FAM171A1: variants seen among roughly 807,000 people sequenced by gnomAD.
FAM171A1 encodes family with sequence similarity 171 member A1, also known as protein FAM171A1.
FAM171A1 carries 23 observed loss-of-function variants against 74.9 expected under a neutral mutation model. The ratio of observed to expected loss-of-function variants is 0.31; its 90% CI spans 0.22 to 0.44. The LOEUF is 0.44. Ranked by LOEUF, FAM171A1 falls within the 20% of genes least tolerant of loss-of-function variation. The pLI, the probability that FAM171A1 is intolerant of heterozygous loss-of-function variation, is 1.00. For synonymous variants in FAM171A1, 527 were observed against 505.7 expected, an observed-to-expected ratio of 1.04 and a Z score of -0.57; for missense variants, 1,162 against 1,159.2, an observed-to-expected ratio of 1.00 and a Z score of -0.03.
chr10:15,273,417 G>C (rs1023808692), intron 3 of FAM171A1, among the ~76,000 whole-genome samples: 1 of 152,082 alleles, frequency 6.6e-6, no homozygotes, highest in African/African-American at 2.4e-5. Flanking sequence ...ACCAACCAAA[G>C]AAAGTCCAGG....
intron 5 of FAM171A1, among the ~76,000 whole-genome samples, chr10:15,238,160 T>A (rs1400130980): frequency 6.6e-6 from 1 of 152,216 alleles, no homozygotes; most frequent in Non-Finnish European, 1.5e-5. Context: ...ATCCCTATAA[T>A]CCAATCACCC....
chr10:15,297,985 T>C (rs993573668), intron 1 of FAM171A1, among the ~76,000 whole-genome samples: 2 of 152,220 alleles, frequency 1.3e-5, no homozygotes, highest in African/African-American at 2.4e-5. Context: ...GCTCCAACTG[T>C]ACAACTTACA....
chr10:15,367,481 A>T (rs1004357413), intron 1 of FAM171A1, among the ~76,000 whole-genome samples: 1 of 152,210 alleles, frequency 6.6e-6, no homozygotes, highest in African/African-American at 2.4e-5. Flanking sequence ...GGCCTCTGTG[A>T]GTCCAGCTCC....
At chr10:15,261,611 G>C (rs1196245765) in intron 3 of FAM171A1, among the ~76,000 whole-genome samples, 1 of 152,340 alleles carries the variant, frequency 6.6e-6, no homozygotes, top group East Asian at 1.9e-4. Context: ...TCAAGAGAGA[G>C]AGTGGCCAGC....
chr10:15,356,379 T>G (rs964829375), intron 1 of FAM171A1, among the ~76,000 whole-genome samples: 1 of 151,940 alleles, frequency 6.6e-6, no homozygotes, highest in Non-Finnish European at 1.5e-5. Flanking sequence ...TACAACCAAT[T>G]TGGGAAAAAG....
chr10:15,371,134 C>A lies in FAM171A1; in HGVS notation c.-82G>T. 1.9e-6 allele frequency: 1 copy of A among 537,788 alleles called. No individual in the cohort carries two copies. Among genetic ancestry groups the A allele is most frequent in the Non-Finnish European group, 2.4e-6 (1 of 423,704 alleles). 33.3% of individuals were successfully genotyped at this position (537,788 alleles called of 1,614,324 possible). On this transcript the variant is annotated 5_prime_UTR_variant, in exon 1 of 8. Transcript: ENST00000378116. ...GCGTCACGGGCGGCCGGGCGCCGCG[C>A]CCCCCTCCATGTCGCTGGCTCCGCG...
intron 2 of FAM171A1, among the ~76,000 whole-genome samples, chr10:15,282,289 T>A (rs1266902842): frequency 1.3e-5 from 2 of 152,198 alleles, no homozygotes; most frequent in Non-Finnish European, 2.9e-5. Flanking sequence ...AGGAGGAGGT[T>A]GTGACTGTGC....
chr10:15,227,191 G>C (rs1177042309), intron 5 of FAM171A1, among the ~76,000 whole-genome samples: 2 of 152,118 alleles, frequency 1.3e-5, no homozygotes, highest in Admixed American at 6.6e-5. Context: ...AATGGAAATG[G>C]AGTTTCACCA....
At chr10:15,270,105 G>C (rs1406013765) in intron 3 of FAM171A1, among the ~76,000 whole-genome samples, 1 of 152,168 alleles carries the variant, frequency 6.6e-6, no homozygotes, top group Non-Finnish European at 1.5e-5. Flanking sequence ...AAGCGCAACG[G>C]GTCGGGGAAT....
chr10:15,335,176 G>A (rs1299885729), intron 1 of FAM171A1, among the ~76,000 whole-genome samples: 2 of 152,100 alleles, frequency 1.3e-5, no homozygotes, highest in Non-Finnish European at 2.9e-5. Flanking sequence ...CCCAGGAGGT[G>A]GAATTTGCAG....
rs776480998 is a variant in FAM171A1, at chr10:15,221,073, GAA to G, written c.755-15_755-14del. 4 of 1,609,804 alleles carry G rather than the reference GAA, an allele frequency of 2.5e-6. No individual in the cohort carries two copies. Among genetic ancestry groups the G allele is most frequent in the Non-Finnish European group, 3.4e-6 (4 of 1,176,430 alleles). ...TTCAGCCACGTTCCTGTGGAATTGA[GAA>G]AGAGATGTTAGCTACAAGCACACCA... On this transcript the variant is annotated splice_polypyrimidine_tract_variant and intron_variant, in intron 5 of 7. Coordinates refer to ENST00000378116, the MANE Select transcript of FAM171A1 (RefSeq NM_001010924.2).
chr10:15,231,928 T>TA (rs1427118875), intron 5 of FAM171A1, among the ~76,000 whole-genome samples: 2 of 151,580 alleles, frequency 1.3e-5, no homozygotes, highest in East Asian at 1.9e-4. Context: ...CTACAAAAAA[T>TA]AAAAAACAAA....
intron 1 of FAM171A1, among the ~76,000 whole-genome samples, chr10:15,293,307 A>G (rs1835123748): frequency 6.6e-6 from 1 of 152,200 alleles, no homozygotes; most frequent in Admixed American, 6.5e-5. Flanking sequence ...TTAAAAATAG[A>G]TAATATAGAG....
At chr10:15,243,444 T>G (rs1164366206) in intron 5 of FAM171A1, among the ~76,000 whole-genome samples, 1 of 152,144 alleles carries the variant, frequency 6.6e-6, no homozygotes, top group Non-Finnish European at 1.5e-5. Flanking sequence ...CATCAAAAAC[T>G]TCTTTAAGTT....
chr10:15,324,133 G>A (rs576296395), intron 1 of FAM171A1, among the ~76,000 whole-genome samples: 2 of 152,292 alleles, frequency 1.3e-5, no homozygotes, highest in Admixed American at 1.3e-4. Context: ...ACCCCAGCAC[G>A]TGTAAAATTT....
intron 1 of FAM171A1, among the ~76,000 whole-genome samples, chr10:15,337,948 C>T (rs1312000393): frequency 6.6e-6 from 1 of 151,584 alleles, no homozygotes; most frequent in African/African-American, 2.4e-5. Flanking sequence ...GAGACTCCAT[C>T]TTAAAAAAAA....
At chr10:15,322,727 G>T (rs925004499) in intron 1 of FAM171A1, among the ~76,000 whole-genome samples, 4 of 152,246 alleles carry the variant, frequency 2.6e-5, no homozygotes, top group African/African-American at 7.2e-5. Flanking sequence ...CTCAGTGTTT[G>T]GGGTCTGGTC....
At position 15,284,667 on chromosome 10, in the gene FAM171A1, A is replaced by G. The variant is rs185126461; in HGVS notation, c.98-562T>C. Among the ~76,000 whole-genome samples the G allele has an allele frequency of 2.7e-3, 412 of 152,288 alleles. 3 individuals carry two copies. Among genetic ancestry groups the G allele is most frequent in the African/African-American group, 9.3e-3 (387 of 41,570 alleles). On this transcript the variant is annotated intron_variant, in intron 1 of 7. Coordinates refer to ENST00000378116, the MANE Select transcript of FAM171A1 (RefSeq NM_001010924.2). ...GAGGCTCAAGCGATCTGCCCGCCTC[A>G]GGCTCCCAGAGTGCTGAGGTTACAG... is the stretch of plus-strand genomic sequence containing the variant.
At chr10:15,365,867 G>A (rs1302141920) in intron 1 of FAM171A1, among the ~76,000 whole-genome samples, 4 of 152,246 alleles carry the variant, frequency 2.6e-5, no homozygotes, top group African/African-American at 9.6e-5. Context: ...AGGAGCTGGC[G>A]AATGAAACAG....
Sources: allele counts gnomAD v4.1 joint callset (sites outside exome capture counted in the v4.1 genomes callset), GRCh38; gene constraint gnomAD v4.1.1; transcripts MANE v1.5; gene names NCBI Gene and HGNC (gene_info 2026-07-23, HGNC 2026-07-21).